The following TPRG1 variants were observed in gnomAD, a reference collection of about 807,000 sequenced individuals.
TPRG1 encodes the protein tumor protein p63-regulated gene 1 protein.
In TPRG1, 29 loss-of-function variants were observed where a neutral mutation model predicts 29.3. The observed-to-expected ratio is 0.99, with a 90% confidence interval of 0.74 to 1.35. TPRG1 has a LOEUF of 1.35. TPRG1 is among the 40% of genes most tolerant of loss of function. The pLI, the probability that TPRG1 is intolerant of heterozygous loss-of-function variation, is 0.00. For missense variants in TPRG1, 327 were observed against 335.0 expected (o/e 0.98, Z 0.19); for synonymous variants, 130 against 116.8 (o/e 1.11, Z -0.73).
At chr3:189,059,453 G>A (rs61157962) in intron 4 of TPRG1, among the ~76,000 whole-genome samples, 2,326 of 152,126 alleles carry the variant, frequency 0.015, 63 homozygotes, top group African/African-American at 0.054. Flanking sequence ...TTAGCTGGGT[G>A]TGGTGGCATG....
chr3:189,006,150 A>G (rs1321132104), intron 3 of TPRG1, among the ~76,000 whole-genome samples: 4 of 152,090 alleles, frequency 2.6e-5, no homozygotes, highest in African/African-American at 9.7e-5. Context: ...CTGTTTCTCA[A>G]TCCGCATGCA....
chr3:189,299,713 G>A (rs1183613170), intron 4 of TPRG1, among the ~76,000 whole-genome samples: 1 of 151,634 alleles, frequency 6.6e-6, no homozygotes, highest in Non-Finnish European at 1.5e-5. Flanking sequence ...ATATCATGGG[G>A]GCCATGAACA....
At chr3:189,020,428 G>A (rs1484806328) in intron 3 of TPRG1, among the ~76,000 whole-genome samples, 4 of 151,478 alleles carry the variant, frequency 2.6e-5, no homozygotes, top group Non-Finnish European at 5.9e-5. Flanking sequence ...CTGGTATGTT[G>A]TGTCTTTGTT....
chr3:189,189,279 G>C (rs1463407276), intron 1 of TPRG1, among the ~76,000 whole-genome samples: 1 of 150,976 alleles, frequency 6.6e-6, no homozygotes. Context: ...CCTTTTTATA[G>C]CTTGATTTAA....
intron 1 of TPRG1, among the ~76,000 whole-genome samples, chr3:189,176,473 T>C (rs950471421): frequency 2.0e-5 from 3 of 152,190 alleles, no homozygotes; most frequent in Admixed American, 2.0e-4. Context: ...AATAATCTCT[T>C]TATTCAAGGA....
At chr3:189,141,893 G>C (rs1439589492) in intron 3 of TPRG1, among the ~76,000 whole-genome samples, 1 of 152,176 alleles carries the variant, frequency 6.6e-6, no homozygotes, top group Non-Finnish European at 1.5e-5. Flanking sequence ...GACTGGAGAA[G>C]TCAATGGGAT....
chr3:189,108,648 C>T (rs1405014891), intron 1 of TPRG1, among the ~76,000 whole-genome samples: 1 of 151,304 alleles, frequency 6.6e-6, no homozygotes, highest in Non-Finnish European at 1.5e-5. Context: ...ATTCCATATA[C>T]TAAAAATTCT....
intron 4 of TPRG1, among the ~76,000 whole-genome samples, chr3:189,299,081 T>A (rs1720418450): frequency 6.6e-6 from 1 of 152,152 alleles, no homozygotes. Context: ...GAGAATTTTT[T>A]TTTTTTTACT....
At chr3:189,206,826 T>TGTGTGTGTGTGTGTGTGTGTGTGC (rs905110086) in intron 1 of TPRG1, among the ~76,000 whole-genome samples, 2 of 151,900 alleles carry the variant, frequency 1.3e-5, no homozygotes, top group African/African-American at 4.8e-5. Context: ...TGTGTGTGTG[T>TGTGTGTGTGTGTGTGTGTGTGTGC]GTGCACGCGT....
chr3:189,158,191 C>G (rs930082907), intron 5 of TPRG1, among the ~76,000 whole-genome samples: 6 of 152,202 alleles, frequency 3.9e-5, no homozygotes, highest in African/African-American at 1.4e-4. Flanking sequence ...TCCTGGCTTT[C>G]GAACTGCTCT....
At chr3:189,092,312 G>T (rs1027645998) in intron 4 of TPRG1, among the ~76,000 whole-genome samples, 12 of 152,090 alleles carry the variant, frequency 7.9e-5, no homozygotes, top group African/African-American at 2.9e-4. Flanking sequence ...CCTCTAACAA[G>T]CTCCCAGGTG....
At chr3:189,169,588 T>C (rs1456301102), upstream of TPRG1, among the ~76,000 whole-genome samples, 2 of 152,242 alleles carry the variant, frequency 1.3e-5, no homozygotes, top group African/African-American at 4.8e-5. Context: ...TGTCCTCTAC[T>C]GGGAGATCTG....
In TPRG1 at chr3:189,205,031, C is replaced by T. The variant is rs150612845; in HGVS notation, c.-9-2345C>T. 1.7e-3 allele frequency among the ~76,000 whole-genome samples: 258 copies of T among 151,752 alleles called. 3 individuals carry two copies. Among genetic ancestry groups the T allele is most frequent in the Admixed American group, 0.015 (222 of 15,222 alleles). ...TTGTTTTCTCAGAGACCAATTTCTA[C>T]CTTTTGCACACCTAACTTTAAAAGA... is the stretch of plus-strand genomic sequence containing the variant. On this transcript the variant is annotated intron_variant, in intron 1 of 5. Coordinates refer to ENST00000345063, the MANE Select transcript of TPRG1 (RefSeq NM_198485.4).
chr3:189,084,781 G>GATACAGCATTATCTAGATTACAGC (rs1717825660), intron 4 of TPRG1, among the ~76,000 whole-genome samples: 1 of 152,014 alleles, frequency 6.6e-6, no homozygotes. Context: ...CCCATTATCT[G>GATACAGCATTATCTAGATTACAGC]ACATCATGCG....
chr3:189,066,020 G>T (rs1716420701), intron 4 of TPRG1, among the ~76,000 whole-genome samples: 1 of 152,102 alleles, frequency 6.6e-6, no homozygotes, highest in Non-Finnish European at 1.5e-5. Flanking sequence ...GAAATTCAAA[G>T]GATCATTATA....
At chr3:189,235,217 C>CT (rs34934049) in intron 3 of TPRG1, among the ~76,000 whole-genome samples, 9,608 of 129,608 alleles carry the variant, frequency 0.074, 572 homozygotes, top group African/African-American at 0.15. Flanking sequence ...ATGAGGTTTG[C>CT]TTTTTTTTTT....
chr3:189,099,530 G>C (rs1040234998), upstream of TPRG1, among the ~76,000 whole-genome samples: 2 of 152,066 alleles, frequency 1.3e-5, no homozygotes, highest in African/African-American at 2.4e-5. Flanking sequence ...CATACCCCCA[G>C]ATTTGTGGCG....
At position 189,323,041 on chromosome 3, in the gene TPRG1, A is replaced by G. The variant is rs1724450992; in HGVS notation, c.*2221A>G. 2 of 152,112 alleles carry G rather than the reference A, an allele frequency of 1.3e-5. No homozygotes were observed. The highest frequency in any genetic ancestry group is 4.1e-4 in the South Asian group (2 of 4,830). 9.4% of individuals were successfully genotyped at this position (152,112 alleles called of 1,614,324 possible). On this transcript the variant is annotated 3_prime_UTR_variant, in exon 6 of 6. Transcript: ENST00000345063. ...TTATGACCAGAGGGTGAGAAGATTT[A>G]GGAATTTGGATAGCAGTTCAAGATA... is the stretch of plus-strand genomic sequence containing the variant.
intron 5 of TPRG1, among the ~76,000 whole-genome samples, chr3:189,152,677 C>A (rs1484368161): frequency 3.3e-5 from 5 of 149,958 alleles, no homozygotes; most frequent in African/African-American, 1.2e-4. Context: ...TTGGTACCCG[C>A]CATTATTATT....
Sources: gnomAD v4.1 joint callset for allele counts (sites outside exome capture counted in the v4.1 genomes callset) on GRCh38, gnomAD v4.1.1 for gene constraint, MANE v1.5 for transcripts, NCBI Gene and HGNC (gene_info 2026-07-23, HGNC 2026-07-21) for gene names.